IGLL5: variants seen among roughly 807,000 people sequenced by gnomAD.
The protein encoded by IGLL5 is immunoglobulin lambda like polypeptide 5.
Under a neutral mutation model 20.9 loss-of-function variants are expected in IGLL5, and 30 were observed. The ratio of observed to expected loss-of-function variants is 1.44; its 90% CI spans 1.07 to 1.95. IGLL5 has a LOEUF of 1.95. Ranked by LOEUF, IGLL5 falls within the 30% of genes most tolerant of loss-of-function variation. The pLI is 0.00. For synonymous variants in IGLL5, 203 were observed against 117.3 expected (o/e 1.73, Z -4.72); for missense variants, 475 against 270.7 (o/e 1.75, Z -5.30).
chr22:22,889,567 A>G (rs1171870170), intron 1 of IGLL5, among the ~76,000 whole-genome samples: 3 of 151,192 alleles, frequency 2.0e-5, no homozygotes, highest in East Asian at 2.0e-4. Flanking sequence ...GGGTGTGAAA[A>G]AACACAATTG....
chr22:22,888,950 G>T, intron 1 of IGLL5, among the ~76,000 whole-genome samples: 1 of 151,336 alleles, frequency 6.6e-6, no homozygotes, highest in Non-Finnish European at 1.5e-5. Context: ...AGACAGAGCA[G>T]CGTCAGAGGA....
rs186309365 is a variant in IGLL5 at position 22,889,127 on chromosome 22, T to G, written c.206+868T>G. Reference sequence around the variant, plus strand: ...TGTTTTTGGAAAAATCAGCACCGGATTGGAGGCTGATGCGACGCCCGATTA... The same window carrying G: ...TGTTTTTGGAAAAATCAGCACCGGAGTGGAGGCTGATGCGACGCCCGATTA... On this transcript the variant is annotated intron_variant, in intron 1 of 2. Transcript: ENST00000526893. Among the ~76,000 whole-genome samples the G allele has an allele frequency of 2.0e-5, 3 of 150,968 alleles. No homozygotes were observed. The Admixed American group carries it at 2.0e-4, about 10-fold the overall frequency.
intron 2 of IGLL5, 65 bp downstream of exon 2, chr22:22,893,883 T>C (rs1033735669): frequency 5.3e-6 from 6 of 1,125,918 alleles, no homozygotes; most frequent in Admixed American, 5.1e-5. Flanking sequence ...ATCTGTTTTC[T>C]CTCTCTGGGG....
chr22:22,889,604 T>C (rs2067737860), intron 1 of IGLL5, among the ~76,000 whole-genome samples: 2 of 151,324 alleles, frequency 1.3e-5, no homozygotes, highest in African/African-American at 4.8e-5. Flanking sequence ...GTTGTTTTTG[T>C]TTTGAAACAG....
intron 1 of IGLL5, among the ~76,000 whole-genome samples, chr22:22,889,579 A>T (rs570237564): frequency 3.3e-5 from 5 of 151,156 alleles, no homozygotes; most frequent in Middle Eastern, 7.5e-3. Context: ...ACACAATTGT[A>T]TTTGGGGGAC....
At chr22:22,889,662 A>T (rs2067743214) in intron 1 of IGLL5, among the ~76,000 whole-genome samples, 1 of 151,318 alleles carries the variant, frequency 6.6e-6, no homozygotes, top group African/African-American at 2.4e-5. Context: ...GCCACAGCTC[A>T]CTGCAGCCTC....
rs766652878 is a variant in IGLL5, at chr22:22,888,119, G to C, written c.66G>C (p.Gln22His). The change falls in exon 1 of 3, where the codon CAG becomes CAC. Residue 22 changes from glutamine (Q) to histidine (H), a missense_variant. Transcript: ENST00000526893. The stretch of plus-strand genomic sequence containing the variant: ...AGGAGCTGGGCCCTGGTCCCAGGCA[G>C]CGCTGGCCCCTGCTGCTGCTGGGTC... ...TPEELGPGPR[Q>H]RWPLLLLGLA... 2 of 1,549,652 alleles carry C rather than the reference G, an allele frequency of 1.3e-6. No individual in the cohort carries two copies. The highest frequency in any genetic ancestry group is 1.4e-5 in the African/African-American group (1 of 72,952).
chr22:22,894,132 T>A (rs746088542), intron 2 of IGLL5, among the ~76,000 whole-genome samples: 6 of 151,482 alleles, frequency 4.0e-5, no homozygotes, highest in Middle Eastern at 3.7e-3. Context: ...GGCCCTGCAG[T>A]GTCCTTAGGG....
At chr22:22,888,721 C>CCAAGGCTGTCTGTT in intron 1 of IGLL5, among the ~76,000 whole-genome samples, 1 of 151,382 alleles carries the variant, frequency 6.6e-6, no homozygotes, top group Non-Finnish European at 1.5e-5. Context: ...TTGGTCTCCC[C>CCAAGGCTGTCTGTT]CAAGGCTGTC....
At chr22:22,895,331 G>T (rs375938800) in intron 2 of IGLL5, 44 bp from the exon 3 acceptor site, 1 of 1,558,894 alleles carries the variant, frequency 6.4e-7, no homozygotes, top group South Asian at 1.1e-5. Context: ...ACAACACCCC[G>T]GTATTCTGTC....
At position 22,887,918 on chromosome 22, in the gene IGLL5, C is replaced by A. The variant is rs775167055; in HGVS notation, c.-136C>A. ...CCTGGGCTAGGGACAGGGACCAGAG[C>A]CAGTCCAGGGAGAGGACAGAGCCAA... On this transcript the variant is annotated 5_prime_UTR_variant, in exon 1 of 3. Coordinates refer to ENST00000526893, the MANE Select transcript of IGLL5 (RefSeq NM_001178126.2). 1.1e-5 allele frequency: 8 copies of A among 755,406 alleles called. No homozygotes were observed. Among genetic ancestry groups the A allele is most frequent in the Non-Finnish European group, 1.4e-5 (6 of 430,086 alleles). The allele number at this position is 755,406 out of a possible 1,614,324, so 46.8% of individuals were successfully genotyped here. A position where few individuals can be genotyped will look rare whatever the true frequency, so the allele number is the denominator to read the frequency against.
chr22:22,888,437 C>A (rs147224116), intron 1 of IGLL5, among the ~76,000 whole-genome samples, 178 bp downstream of exon 1: 5 of 151,274 alleles, frequency 3.3e-5, no homozygotes, highest in East Asian at 2.0e-4. Flanking sequence ...GTTTGAATTA[C>A]TGTTTTTAAT....
chr22:22,889,236 A>T lies in IGLL5; in HGVS notation c.206+977A>T, dbSNP rs1302667268. ...GCCGTGCCTTGGGGATGGGGAGGAC[A>T]CTCAGATTCAGAGCACCCAGGGGCC... is the stretch of plus-strand genomic sequence containing the variant. On this transcript the variant is annotated intron_variant, in intron 1 of 2. Coordinates refer to ENST00000526893, the MANE Select transcript of IGLL5 (RefSeq NM_001178126.2). Among the ~76,000 whole-genome samples the T allele has an allele frequency of 1.3e-5, 2 of 150,992 alleles. 1 individual carries two copies. Among genetic ancestry groups the T allele is most frequent in the East Asian group, 4.1e-4 (2 of 4,892 alleles).
rs980308820 is a variant in IGLL5, at chr22:22,895,863, A to G, written c.*169A>G. On this transcript the variant is annotated 3_prime_UTR_variant, in exon 3 of 3. Coordinates refer to ENST00000526893, the MANE Select transcript of IGLL5 (RefSeq NM_001178126.2). Reference sequence around the variant, plus strand: ...TGTTTTATCTCATTTTTTTTCTCACATAAATTGCTAGCCTCCCCGGGGTTC... The same window carrying G: ...TGTTTTATCTCATTTTTTTTCTCACGTAAATTGCTAGCCTCCCCGGGGTTC... The G allele has an allele frequency of 1.4e-6, 1 of 721,138 alleles. No homozygotes were observed. Among genetic ancestry groups the G allele is most frequent in the Non-Finnish European group, 2.4e-6 (1 of 422,496 alleles). The allele number at this position is 721,138 out of a possible 1,614,324, so 44.7% of individuals were successfully genotyped here.
chr22:22,890,644 T>C (rs2067813638), intron 1 of IGLL5, among the ~76,000 whole-genome samples: 1 of 149,070 alleles, frequency 6.7e-6, no homozygotes, highest in African/African-American at 2.5e-5. Context: ...GATAGATGCC[T>C]AAAAGTGGAA....
At chr22:22,889,558 G>A (rs569157817) in intron 1 of IGLL5, among the ~76,000 whole-genome samples, 3 of 151,100 alleles carry the variant, frequency 2.0e-5, no homozygotes, top group East Asian at 2.0e-4. Context: ...TACCAGAAAG[G>A]GTGTGAAAAA....
At position 22,888,226 on chromosome 22, in the gene IGLL5, G is replaced by C. The variant is rs566521884; in HGVS notation, c.173G>C (p.Ser58Thr). 5 of 1,548,212 alleles carry C rather than the reference G, an allele frequency of 3.2e-6. No individual in the cohort carries two copies. Among genetic ancestry groups the C allele is most frequent in the Middle Eastern group, 1.9e-4 (1 of 5,294 alleles). The change falls in exon 1 of 3, where the codon AGC (serine) becomes ACC (threonine). Residue 58 changes from serine to threonine, a missense_variant. By Grantham distance (58) the Ser-to-Thr change is moderately conservative. Coordinates refer to ENST00000526893, the MANE Select transcript of IGLL5 (RefSeq NM_001178126.2). ...GDPDPGASVG[S>T]SRSSLRSLWG... ...CCAGACCCTGGAGCCTCAGTTGGAA[G>C]CAGCCGATCCAGCCTGCGGAGCCTG...
At chr22:22,895,297 A>G in intron 2 of IGLL5, 78 bp from the exon 3 acceptor site, 1 of 1,357,192 alleles carries the variant, frequency 7.4e-7, no homozygotes, top group Non-Finnish European at 1.0e-6. Context: ...CCTCCCAGAG[A>G]CTTTAGACAG....
intron 1 of IGLL5, among the ~76,000 whole-genome samples, chr22:22,888,670 G>C (rs577490719): frequency 2.6e-5 from 4 of 151,350 alleles, no homozygotes; most frequent in African/African-American, 4.8e-5. Context: ...TGCCCAGTGA[G>C]GGCAGGGGCC....
Sources: gnomAD v4.1 joint callset for allele counts (sites outside exome capture counted in the v4.1 genomes callset) on GRCh38, gnomAD v4.1.1 for gene constraint, MANE v1.5 for transcripts, NCBI Gene and HGNC (gene_info 2026-07-23, HGNC 2026-07-21) for gene names.